The following ATP8B1 variants were observed in gnomAD, a reference collection of about 807,000 sequenced individuals.
The protein encoded by ATP8B1 is ATPase phospholipid transporting 8B1.
ATP8B1 carries 80 observed loss-of-function variants against 149.9 expected under a neutral mutation model. The observed-to-expected ratio is 0.53, with a 90% CI of 0.45 to 0.64. The LOEUF is 0.64. ATP8B1 is among the 30% of genes least tolerant of loss of function. The pLI is 0.00. For missense variants in ATP8B1, 1,247 were observed against 1,552.6 expected, an observed-to-expected ratio of 0.80 and a Z score of 3.31; for synonymous variants, 536 against 562.8, an observed-to-expected ratio of 0.95 and a Z score of 0.67.
chr18:57,686,255 A>G (rs1912237378), intron 13 of ATP8B1, among the ~76,000 whole-genome samples: 1 of 152,114 alleles, frequency 6.6e-6, no homozygotes, highest in Non-Finnish European at 1.5e-5. Context: ...AGAGTGAGAC[A>G]CTGTCTCAAA....
At chr18:57,736,466 T>G (rs1315892159) in intron 1 of ATP8B1, among the ~76,000 whole-genome samples, 3 of 144,142 alleles carry the variant, frequency 2.1e-5, no homozygotes, top group African/African-American at 7.6e-5. Flanking sequence ...TTTTTTTTTT[T>G]TTTTTTTTTT....
intron 2 of ATP8B1, among the ~76,000 whole-genome samples, chr18:57,708,157 C>CAAAAAAAAAAAA (rs36027330): frequency 4.5e-5 from 3 of 67,074 alleles, no homozygotes; most frequent in Admixed American, 1.8e-4. Flanking sequence ...AACTCTGTCT[C>CAAAAAAAAAAAA]AAAAAAAAAA....
At chr18:57,779,509 G>A (rs1329767218) in intron 1 of ATP8B1, among the ~76,000 whole-genome samples, 1 of 152,136 alleles carries the variant, frequency 6.6e-6, no homozygotes, top group Non-Finnish European at 1.5e-5. Context: ...TTGGTATCAG[G>A]TATAGCCTAA....
intron 1 of ATP8B1, among the ~76,000 whole-genome samples, chr18:57,792,448 G>A (rs1286124653): frequency 2.6e-5 from 4 of 151,916 alleles, no homozygotes; most frequent in Admixed American, 1.3e-4. Flanking sequence ...ACACCCGACC[G>A]TAATATACAT....
At chr18:57,735,792 TCTTTATTTTA>T (rs111410143) in intron 1 of ATP8B1, among the ~76,000 whole-genome samples, 148,420 of 152,042 alleles carry the variant, frequency 0.98, 72,534 homozygotes, top group East Asian at 1. Flanking sequence ...CCCTACTAAG[TCTTTATTTTA>T]CTTTATTTTA....
intron 1 of ATP8B1, among the ~76,000 whole-genome samples, chr18:57,760,728 C>T (rs1251828692): frequency 6.6e-6 from 1 of 152,096 alleles, no homozygotes; most frequent in Non-Finnish European, 1.5e-5. Flanking sequence ...CAGTGGCTCA[C>T]GCCCATAATC....
chr18:57,788,270 T>C (rs937917124), intron 1 of ATP8B1, among the ~76,000 whole-genome samples: 6 of 150,984 alleles, frequency 4.0e-5, no homozygotes, highest in Non-Finnish European at 5.9e-5. Flanking sequence ...AAATCGGAGC[T>C]TAGAAAATTA....
intron 1 of ATP8B1, among the ~76,000 whole-genome samples, chr18:57,767,386 C>T (rs967169266): frequency 3.9e-5 from 6 of 152,146 alleles, no homozygotes; most frequent in Admixed American, 2.6e-4. Context: ...ACAGTGGCCA[C>T]GAGCCATGTG....
At chr18:57,716,257 C>G (rs2079582011) in intron 2 of ATP8B1, among the ~76,000 whole-genome samples, 1 of 151,940 alleles carries the variant, frequency 6.6e-6, no homozygotes, top group South Asian at 2.1e-4. Context: ...ACCACCTTCA[C>G]TAAAAGGCAG....
chr18:57,652,869 A>G, intron 24 of ATP8B1, 140 bp from the exon 25 acceptor site: 2 of 1,026,416 alleles, frequency 1.9e-6, no homozygotes, highest in Middle Eastern at 2.8e-4. Context: ...TAATCGATCA[A>G]TCCTGCAATA....
At chr18:57,710,666 C>G (rs1223847292) in intron 2 of ATP8B1, among the ~76,000 whole-genome samples, 1 of 152,186 alleles carries the variant, frequency 6.6e-6, no homozygotes, top group East Asian at 1.9e-4. Flanking sequence ...AAATTCAATG[C>G]TGTTCTCGCT....
intron 1 of ATP8B1, among the ~76,000 whole-genome samples, chr18:57,794,463 T>TAAAAAAAA (rs58976028): frequency 2.7e-5 from 3 of 110,444 alleles, no homozygotes; most frequent in African/African-American, 1.1e-4. Context: ...AACCTGACAT[T>TAAAAAAAA]AAAAAAAAAA....
chr18:57,650,939 A>T (rs1036771514), intron 26 of ATP8B1, among the ~76,000 whole-genome samples: 1 of 152,246 alleles, frequency 6.6e-6, no homozygotes, highest in Admixed American at 6.5e-5. Flanking sequence ...CCTCCCCAAA[A>T]TATCCATTAT....
chr18:57,709,435 A>G (rs1035615762), intron 2 of ATP8B1, among the ~76,000 whole-genome samples: 1 of 152,222 alleles, frequency 6.6e-6, no homozygotes, highest in Non-Finnish European at 1.5e-5. Flanking sequence ...TAATATAATC[A>G]TAGGCACTTT....
chr18:57,648,640 C>T lies in ATP8B1; in HGVS notation c.3604G>A (p.Val1202Met), dbSNP rs1259936345. ...GCGTAGGCCGAGCGCCGCGTTGACA[C>T]GCCCCGGCGGAACACCTGCTGCCGT... Reference protein sequence around the residue: ...QRRQQVFRRGVSTRRSAYAFS... With the variant: ...QRRQQVFRRGMSTRRSAYAFS... The change falls in exon 28 of 28, where the codon GTG (valine) becomes ATG (methionine). Residue 1202 changes from valine to methionine, a missense_variant. Physicochemically the swap from Val to Met is conservative, Grantham distance 21. Transcript: ENST00000648908. The T allele has an allele frequency of 3.4e-5, 54 of 1,596,582 alleles. No homozygotes were observed. Among genetic ancestry groups the T allele is most frequent in the Non-Finnish European group, 4.3e-5 (51 of 1,172,930 alleles).
At position 57,650,434 on chromosome 18, in the gene ATP8B1, A is replaced by G. The variant is rs1276044008; in HGVS notation, c.3464T>C (p.Val1155Ala). 2 of 1,613,946 alleles carry G rather than the reference A, an allele frequency of 1.2e-6. No homozygotes were observed. Among genetic ancestry groups the G allele is most frequent in the African/African-American group, 1.3e-5 (1 of 74,918 alleles). ...AATGGCAACGACGGGTAGTAAGCAC[A>G]CAGCAACAGCCAGGATGATAGTTAA... ...IWLTIILAVA[V>A]CLLPVVAIRF... Residue 1155 changes from valine to alanine, a missense_variant, in exon 27 of 28, where the codon GTG becomes GCG. Val to Ala is a moderately conservative substitution (Grantham distance 64). This residue lies in a region of ATP8B1 where 164 missense variants were observed against 160.3 expected (regional missense o/e 1.02). Coordinates refer to ENST00000648908, the MANE Select transcript of ATP8B1 (RefSeq NM_001374385.1).
chr18:57,702,583 C>T (rs1223921452), intron 4 of ATP8B1, among the ~76,000 whole-genome samples: 3 of 152,204 alleles, frequency 2.0e-5, no homozygotes, highest in African/African-American at 7.2e-5. Context: ...CTGCGCCAGG[C>T]ACGGTAGCTC....
intron 1 of ATP8B1, among the ~76,000 whole-genome samples, chr18:57,793,106 G>A (rs1382909210): frequency 6.6e-6 from 1 of 152,186 alleles, no homozygotes; most frequent in Non-Finnish European, 1.5e-5. Context: ...CTAGTTGCAA[G>A]CAATCTGAAC....
At chr18:57,696,108 T>G (rs943442970) in intron 8 of ATP8B1, among the ~76,000 whole-genome samples, 2 of 152,230 alleles carry the variant, frequency 1.3e-5, no homozygotes, top group Non-Finnish European at 2.9e-5. Context: ...GTCTCACGAC[T>G]GAAGGCTTTA....
Sources: allele counts gnomAD v4.1 joint callset (sites outside exome capture counted in the v4.1 genomes callset), GRCh38; gene constraint gnomAD v4.1.1; regional missense constraint gnomAD v4.1.1; transcripts MANE v1.5; gene names NCBI Gene and HGNC (gene_info 2026-07-23, HGNC 2026-07-21).